CEP57L1: variants seen among roughly 807,000 people sequenced by gnomAD.
The protein encoded by CEP57L1 is centrosomal protein 57 like 1, also known as centrosomal protein CEP57L1.
Under a neutral mutation model 61.0 loss-of-function variants are expected in CEP57L1, and 37 were observed. The observed-to-expected ratio is 0.61, with a 90% CI of 0.47 to 0.80. CEP57L1 has a LOEUF of 0.80. Ranked by LOEUF, CEP57L1 falls within the 30% of genes least tolerant of loss-of-function variation. The probability of loss-of-function intolerance (pLI) is 0.00; values close to 1 mark genes in which losing one functional copy is unlikely to be tolerated. For missense variants in CEP57L1, 422 were observed against 524.7 expected (o/e 0.80, Z 1.91); for synonymous variants, 137 against 162.3 (o/e 0.84, Z 1.19).
At chr6:109,151,204 T>G (rs544493262) in intron 4 of CEP57L1, among the ~76,000 whole-genome samples, 2 of 152,294 alleles carry the variant, frequency 1.3e-5, no homozygotes, top group East Asian at 3.9e-4. Context: ...TACTGGATAT[T>G]GATGGGTCAA....
At chr6:109,158,828 C>T (rs983372890) in intron 7 of CEP57L1, 197 bp from the exon 8 acceptor site, 20 of 599,364 alleles carry the variant, frequency 3.3e-5, no homozygotes, top group East Asian at 5.8e-5. Flanking sequence ...AATTTTAACT[C>T]GCATTTCCAT....
At chr6:109,128,670 C>G (rs542332913) in intron 1 of CEP57L1, among the ~76,000 whole-genome samples, 2 of 152,182 alleles carry the variant, frequency 1.3e-5, no homozygotes, top group African/African-American at 4.8e-5. Context: ...TGGCATGGCC[C>G]TTATGCATTT....
chr6:109,134,205 T>G (rs1429049394), intron 1 of CEP57L1, among the ~76,000 whole-genome samples: 1 of 151,958 alleles, frequency 6.6e-6, no homozygotes, highest in African/African-American at 2.4e-5. Flanking sequence ...ATCAAAAAAC[T>G]TATCCACCAA....
Position 109,168,249 on chromosome 6 carries a change from A to G in CEP57L1, c.*5279A>G, listed in dbSNP as rs193092287. Among the ~76,000 whole-genome samples the G allele has an allele frequency of 5.9e-5, 9 of 152,328 alleles. No individual in the cohort carries two copies. The highest frequency in any genetic ancestry group is 1.7e-4 in the African/African-American group (7 of 41,580). ...GATACCAGTTCCTTTAGTAATTTCA[A>G]AATGCCGGCCATAGCCAGTCTATAA... is the stretch of plus-strand genomic sequence containing the variant. On this transcript the variant is annotated 3_prime_UTR_variant, in exon 11 of 11. Coordinates refer to ENST00000517392, the MANE Select transcript of CEP57L1 (RefSeq NM_001271852.3).
chr6:109,161,884 C>A (rs1773747195), intron 10 of CEP57L1, among the ~76,000 whole-genome samples: 1 of 152,034 alleles, frequency 6.6e-6, no homozygotes, highest in East Asian at 1.9e-4. Flanking sequence ...TGACTGTTAG[C>A]CAAATAGAGA....
intron 6 of CEP57L1, 107 bp downstream of exon 6, chr6:109,155,414 A>G: frequency 1.7e-6 from 1 of 598,782 alleles, no homozygotes; most frequent in Non-Finnish European, 2.7e-6. Flanking sequence ...TCTGCTTCCT[A>G]AATTGTCTTT....
chr6:109,114,973 A>G (rs1366855540), intron 1 of CEP57L1, among the ~76,000 whole-genome samples: 1 of 152,142 alleles, frequency 6.6e-6, no homozygotes, highest in Non-Finnish European at 1.5e-5. Context: ...AATATATACA[A>G]TTATTATTTG....
At chr6:109,102,417 C>A (rs990775412) in intron 1 of CEP57L1, among the ~76,000 whole-genome samples, 11 of 152,174 alleles carry the variant, frequency 7.2e-5, no homozygotes, top group Non-Finnish European at 1.5e-4. Context: ...CTATATCAGA[C>A]CTGCATTTTG....
chr6:109,115,414 G>A (rs765687861), intron 1 of CEP57L1, among the ~76,000 whole-genome samples: 6 of 152,050 alleles, frequency 3.9e-5, no homozygotes, highest in Non-Finnish European at 4.4e-5. Flanking sequence ...ATTAGATTAC[G>A]CTCAGCCAAA....
intron 1 of CEP57L1, among the ~76,000 whole-genome samples, chr6:109,135,607 T>G (rs572478312): frequency 6.6e-6 from 1 of 152,234 alleles, no homozygotes; most frequent in East Asian, 1.9e-4. Flanking sequence ...CAAAAGAAAC[T>G]ACCATCAGAG....
intron 1 of CEP57L1, among the ~76,000 whole-genome samples, chr6:109,135,722 A>G (rs1266607653): frequency 6.6e-6 from 1 of 152,228 alleles, no homozygotes; most frequent in African/African-American, 2.4e-5. Context: ...TTACAAGAAA[A>G]AAACAAACAG....
intron 1 of CEP57L1, among the ~76,000 whole-genome samples, chr6:109,128,647 A>G (rs910214081): frequency 6.6e-6 from 1 of 152,226 alleles, no homozygotes; most frequent in African/African-American, 2.4e-5. Flanking sequence ...GATGTGATAT[A>G]CAAAATCCTT....
In CEP57L1 at chr6:109,171,255, T is replaced by TTTTTTTTA. The variant is rs1774389947; in HGVS notation, c.*8285_*8286insTTTTTTTA. Among the ~76,000 whole-genome samples the TTTTTTTTA allele has an allele frequency of 6.6e-6, 1 of 151,918 alleles. No homozygotes were observed. The highest frequency in any genetic ancestry group is 2.4e-5 in the African/African-American group (1 of 41,338). On this transcript the variant is annotated 3_prime_UTR_variant, in exon 11 of 11. Transcript: ENST00000517392. Reference sequence around the variant, plus strand: ...AAGTAGAGTTTGATTTTTTTTTTTTTGAGACGGAGTTTCGCTCTTGTTGCC... The same window carrying TTTTTTTTA: ...AAGTAGAGTTTGATTTTTTTTTTTTTTTTTTTTAGAGACGGAGTTTCGCTCTTGTTGCC...
At chr6:109,132,190 G>A (rs1362479620) in intron 1 of CEP57L1, among the ~76,000 whole-genome samples, 2 of 152,108 alleles carry the variant, frequency 1.3e-5, no homozygotes, top group Admixed American at 1.3e-4. Context: ...AGAAAAAATA[G>A]AAATTTTCTC....
chr6:109,133,699 A>G (rs1774463641), intron 1 of CEP57L1, among the ~76,000 whole-genome samples: 1 of 152,188 alleles, frequency 6.6e-6, no homozygotes, highest in African/African-American at 2.4e-5. Context: ...AGAAGAATCA[A>G]ATAGACACAA....
At chr6:109,104,107 A>G (rs1267165892) in intron 1 of CEP57L1, among the ~76,000 whole-genome samples, 9 of 150,676 alleles carry the variant, frequency 6.0e-5, no homozygotes, top group Non-Finnish European at 1.2e-4. Context: ...ACAGTCATAT[A>G]TTGTCTTTGT....
chr6:109,110,809 C>G (rs1771519314), intron 1 of CEP57L1, among the ~76,000 whole-genome samples: 1 of 152,158 alleles, frequency 6.6e-6, no homozygotes. Context: ...TTGTTTTTGT[C>G]AGCTTTGTCA....
At chr6:109,142,655 G>T (rs1208255315) in intron 1 of CEP57L1, among the ~76,000 whole-genome samples, 1 of 150,504 alleles carries the variant, frequency 6.6e-6, no homozygotes, top group Non-Finnish European at 1.5e-5. Context: ...AGTTTCTCAG[G>T]CTTGATACAA....
chr6:109,134,914 G>A (rs1397489838), intron 1 of CEP57L1, among the ~76,000 whole-genome samples: 3 of 152,084 alleles, frequency 2.0e-5, no homozygotes, highest in Non-Finnish European at 2.9e-5. Context: ...GAATTAAAGA[G>A]GATACAAACA....
Sources: allele counts gnomAD v4.1 joint callset (sites outside exome capture counted in the v4.1 genomes callset), GRCh38; gene constraint gnomAD v4.1.1; transcripts MANE v1.5; gene names NCBI Gene and HGNC (gene_info 2026-07-23, HGNC 2026-07-21).